Variants in CTNND2 observed in about 807,000 individuals in gnomAD.
CTNND2 encodes the protein catenin delta-2.
In CTNND2, 22 loss-of-function variants were observed where a neutral mutation model predicts 144.4. The observed-to-expected ratio is 0.15, with a 90% CI of 0.11 to 0.22. The LOEUF (loss-of-function observed/expected upper bound fraction) is 0.22, where lower values mean the gene tolerates loss of function less well. Ranked by LOEUF, CTNND2 falls within the 10% of genes least tolerant of loss-of-function variation. The pLI is 1.00. For missense variants in CTNND2, 1,353 were observed against 1,618.8 expected, an observed-to-expected ratio of 0.84 and a Z score of 2.82; for synonymous variants, 751 against 695.6, an observed-to-expected ratio of 1.08 and a Z score of -1.25.
intron 1 of CTNND2, among the ~76,000 whole-genome samples, chr5:11,868,816 A>C (rs1229854490): frequency 4.6e-5 from 7 of 152,146 alleles, no homozygotes; most frequent in Non-Finnish European, 8.8e-5. Context: ...GACCATGCAG[A>C]GTCTCCAGCA....
At chr5:11,666,746 T>G (rs183914874) in intron 2 of CTNND2, among the ~76,000 whole-genome samples, 1 of 152,274 alleles carries the variant, frequency 6.6e-6, no homozygotes, top group African/African-American at 2.4e-5. Flanking sequence ...TACTTCAAAT[T>G]GAGAGAATCT....
At chr5:11,838,141 A>G (rs1358584022) in intron 1 of CTNND2, among the ~76,000 whole-genome samples, 1 of 152,226 alleles carries the variant, frequency 6.6e-6, no homozygotes, top group South Asian at 2.1e-4. Context: ...CCTATAAAAC[A>G]TGCCCTTCCC....
Position 11,521,632 on chromosome 5 carries a change from A to G in CTNND2, c.287+43312T>C, listed in dbSNP as rs186136272. On this transcript the variant is annotated intron_variant, in intron 3 of 21. Coordinates refer to ENST00000304623, the MANE Select transcript of CTNND2 (RefSeq NM_001332.4). ...CCACAGATATTAATATTCTGGTTCT[A>G]AAACAGTATCCGGCAAAAATTAGGC... is the stretch of plus-strand genomic sequence containing the variant. Among the ~76,000 whole-genome samples the G allele has an allele frequency of 7.9e-5, 12 of 152,340 alleles. No homozygotes were observed. The South Asian group carries it at 1.2e-3, about 16-fold the overall frequency.
intron 12 of CTNND2, among the ~76,000 whole-genome samples, chr5:11,129,224 AAAT>A (rs1358330457): frequency 4.3e-5 from 1 of 23,298 alleles, no homozygotes; most frequent in African/African-American, 1.4e-4. Context: ...TATTATATAT[AAAT>A]ATATATTATA....
intron 1 of CTNND2, among the ~76,000 whole-genome samples, chr5:11,760,529 G>GA (rs1195447812): frequency 6.6e-6 from 1 of 152,084 alleles, no homozygotes; most frequent in African/African-American, 2.4e-5. Flanking sequence ...ATAAGCCACT[G>GA]AAAAATGCCG....
In CTNND2 at chr5:11,791,684, T is replaced by C. The variant is rs150013405; in HGVS notation, c.38-59412A>G. Among the ~76,000 whole-genome samples the C allele has an allele frequency of 1.4e-3, 210 of 152,348 alleles. 3 individuals carry two copies. The highest frequency in any genetic ancestry group is 4.4e-3 in the African/African-American group (181 of 41,582). On this transcript the variant is annotated intron_variant, in intron 1 of 21. Coordinates refer to ENST00000304623, the MANE Select transcript of CTNND2 (RefSeq NM_001332.4). ...CTTAATCTCCAATGTAATTTTGCTA[T>C]GAAAGTGGTTCACGAAAACGAATCT...
intron 3 of CTNND2, among the ~76,000 whole-genome samples, chr5:11,549,379 T>C (rs2150081981): frequency 6.6e-6 from 1 of 152,316 alleles, no homozygotes; most frequent in Admixed American, 6.5e-5. Flanking sequence ...TTTCACCCTC[T>C]TTCCCATCAG....
chr5:11,536,123 T>G (rs906188430), intron 3 of CTNND2, among the ~76,000 whole-genome samples: 3 of 152,172 alleles, frequency 2.0e-5, no homozygotes, highest in African/African-American at 7.2e-5. Context: ...AAGTGCAGTG[T>G]CACTATCATA....
intron 1 of CTNND2, among the ~76,000 whole-genome samples, chr5:11,815,357 G>C (rs1464785912): frequency 6.6e-6 from 1 of 152,102 alleles, no homozygotes; most frequent in Non-Finnish European, 1.5e-5. Context: ...TCATAATTAT[G>C]CCTACTTTTA....
At chr5:11,307,957 TC>T (rs750593686) in intron 9 of CTNND2, among the ~76,000 whole-genome samples, 14 of 152,250 alleles carry the variant, frequency 9.2e-5, no homozygotes, top group Non-Finnish European at 1.6e-4. Flanking sequence ...ATAAAACAGA[TC>T]CGAGAGAGTT....
At chr5:11,415,477 G>A (rs1391589833) in intron 3 of CTNND2, among the ~76,000 whole-genome samples, 1 of 151,986 alleles carries the variant, frequency 6.6e-6, no homozygotes, top group Non-Finnish European at 1.5e-5. Flanking sequence ...TTGTTGGTGC[G>A]TGCCTCTATT....
intron 12 of CTNND2, among the ~76,000 whole-genome samples, chr5:11,141,104 G>A (rs1230367538): frequency 6.6e-6 from 1 of 152,096 alleles, no homozygotes; most frequent in Non-Finnish European, 1.5e-5. Context: ...ACAGGTGCAT[G>A]TCACTGAACC....
At chr5:11,183,352 A>G (rs1735288765) in intron 11 of CTNND2, among the ~76,000 whole-genome samples, 1 of 152,186 alleles carries the variant, frequency 6.6e-6, no homozygotes, top group Non-Finnish European at 1.5e-5. Context: ...AAAGTAAGGC[A>G]TATTAACATG....
intron 9 of CTNND2, among the ~76,000 whole-genome samples, chr5:11,336,073 G>A (rs538049296): frequency 6.6e-6 from 1 of 152,290 alleles, no homozygotes; most frequent in South Asian, 2.1e-4. Flanking sequence ...CCAAGTGGCT[G>A]ATGGGAAACC....
At chr5:11,868,274 G>C (rs1795869730) in intron 1 of CTNND2, among the ~76,000 whole-genome samples, 1 of 152,108 alleles carries the variant, frequency 6.6e-6, no homozygotes, top group African/African-American at 2.4e-5. Context: ...GGTGCTCCAG[G>C]GTGGTGATTG....
At chr5:11,847,397 G>A (rs553129698) in intron 1 of CTNND2, among the ~76,000 whole-genome samples, 37 of 151,838 alleles carry the variant, frequency 2.4e-4, no homozygotes, top group African/African-American at 8.9e-4. Flanking sequence ...AACAAATATG[G>A]CGTCATCTCA....
At chr5:11,058,290 C>T (rs1746551231) in intron 16 of CTNND2, among the ~76,000 whole-genome samples, 1 of 152,186 alleles carries the variant, frequency 6.6e-6, no homozygotes, top group African/African-American at 2.4e-5. Context: ...AAGTGATTTC[C>T]TGGGCTGGGT....
chr5:11,871,294 G>C (rs1243659495), intron 1 of CTNND2, among the ~76,000 whole-genome samples: 1 of 152,152 alleles, frequency 6.6e-6, no homozygotes, highest in Non-Finnish European at 1.5e-5. Context: ...TGTTTACATG[G>C]CTTAGTCTGT....
chr5:10,999,308 A>G (rs1241893052), intron 18 of CTNND2, among the ~76,000 whole-genome samples: 2 of 152,222 alleles, frequency 1.3e-5, no homozygotes, highest in Non-Finnish European at 2.9e-5. Context: ...ACTCGGGCAC[A>G]TATCATTTCA....
Sources: gnomAD v4.1 joint callset for allele counts (sites outside exome capture counted in the v4.1 genomes callset) on GRCh38, gnomAD v4.1.1 for gene constraint, MANE v1.5 for transcripts, NCBI Gene and HGNC (gene_info 2026-07-23, HGNC 2026-07-21) for gene names.